The following COL6A1 variants were observed in gnomAD, a reference collection of about 807,000 sequenced individuals.
The protein encoded by COL6A1 is collagen alpha-1(VI) chain.
A neutral mutation model predicts 145.6 loss-of-function variants in COL6A1; 80 were observed. The ratio of observed to expected loss-of-function variants is 0.55; its 90% CI spans 0.46 to 0.66. COL6A1 has a LOEUF of 0.66. COL6A1 is among the 30% of genes least tolerant of loss of function. The probability of loss-of-function intolerance (pLI) is 0.00; values close to 1 mark genes in which losing one functional copy is unlikely to be tolerated. For missense variants in COL6A1, 1,364 were observed against 1,473.8 expected (o/e 0.93, Z 1.22); for synonymous variants, 638 against 622.8 (o/e 1.02, Z -0.36).
rs554387250 is a variant in COL6A1 at position 45,981,787 on chromosome 21, T to G, written c.-64T>G. On this transcript the variant is annotated 5_prime_UTR_variant, in exon 1 of 35. Transcript: ENST00000361866. ...CTGGGAGCAGAAGGCAGCCTCGGTC[T>G]CTGGGCGGCGGCGGCGGCCCACTCT... The G allele has an allele frequency of 1.0e-5, 13 of 1,298,972 alleles. No homozygotes were observed. In the South Asian group the frequency reaches 1.7e-4, roughly 17 times the overall value. 80.5% of individuals were successfully genotyped at this position (1,298,972 alleles called of 1,614,324 possible).
intron 2 of COL6A1, 143 bp from the exon 3 acceptor site, chr21:45,984,126 A>G: frequency 2.3e-6 from 2 of 863,738 alleles, no homozygotes; most frequent in South Asian, 2.9e-5. Context: ...GGCCGGCCTC[A>G]GGGCCACAGG....
intron 21 of COL6A1, 102 bp downstream of exon 21, chr21:45,997,585 T>C: frequency 1.3e-6 from 2 of 1,530,112 alleles, no homozygotes; most frequent in South Asian, 2.3e-5. Flanking sequence ...GAGGACTCTA[T>C]GGCCCTGGGT....
rs1202683079 is a variant in COL6A1, at chr21:46,002,304, G to C, written c.2153G>C (p.Ser718Thr). 6.3e-7 allele frequency: 1 copy of C among 1,593,998 alleles called. No individual in the cohort carries two copies. The highest frequency in any genetic ancestry group is 1.3e-5 in the African/African-American group (1 of 74,674). ...ACGCGGGACCAGCTGCTGCCGCCCAGCCCGAACAACCGCATCGCCCTGGTC... is the reference window on the plus strand; with the variant it reads ...ACGCGGGACCAGCTGCTGCCGCCCACCCCGAACAACCGCATCGCCCTGGTC... ...QYTRDQLLPP[S>T]PNNRIALVIT... Residue 718 changes from serine to threonine, a missense_variant, in exon 32 of 35, where the codon AGC (serine) becomes ACC (threonine). Physicochemically the swap from Ser to Thr is moderately conservative, Grantham distance 58. Around this residue, in one of 3 missense-constraint regions of COL6A1, gnomAD observed 938 missense variants for 1,003.8 expected, o/e 0.93. Coordinates refer to ENST00000361866, the MANE Select transcript of COL6A1 (RefSeq NM_001848.3).
At chr21:45,983,855 G>T (rs1287766065) in intron 2 of COL6A1, among the ~76,000 whole-genome samples, 1 of 144,092 alleles carries the variant, frequency 6.9e-6, no homozygotes, top group African/African-American at 2.5e-5. Context: ...GGATGGGAGG[G>T]TGGGTGGGGC....
chr21:45,989,683 C>A (rs200848483), intron 10 of COL6A1, 31 bp downstream of exon 10: 21 of 1,613,020 alleles, frequency 1.3e-5, no homozygotes, highest in African/African-American at 4.0e-5. Context: ...GGCCCGAGCC[C>A]GGTGGTGCCC....
At chr21:45,999,058 C>T (rs879415912) in intron 25 of COL6A1, 95 bp from the exon 26 acceptor site, 35 of 1,543,028 alleles carry the variant, frequency 2.3e-5, no homozygotes, top group Non-Finnish European at 2.8e-5. Flanking sequence ...GGGGAGGCCT[C>T]ATGGGCCCCG....
At chr21:45,982,596 C>G in intron 1 of COL6A1, 38 bp from the exon 2 acceptor site, 1 of 1,611,924 alleles carries the variant, frequency 6.2e-7, no homozygotes, top group Non-Finnish European at 8.5e-7. Context: ...GGGAATGGGG[C>G]GAGAGCTTGA....
Position 45,998,199 on chromosome 21 carries a change from G to C in COL6A1, c.1575+28G>C, listed in dbSNP as rs774213777. On this transcript the variant is annotated intron_variant, in intron 23 of 34. Coordinates refer to ENST00000361866, the MANE Select transcript of COL6A1 (RefSeq NM_001848.3). Reference sequence around the variant, plus strand: ...AAGTGTCCGGAGGCTGAGCCCACAGGAACATGCCCAAGCTGCCTGCGGCGC... The same window carrying C: ...AAGTGTCCGGAGGCTGAGCCCACAGCAACATGCCCAAGCTGCCTGCGGCGC... The C allele has an allele frequency of 2.5e-6, 4 of 1,609,918 alleles. No individual in the cohort carries two copies. In the African/African-American group the frequency reaches 5.3e-5, roughly 22 times the overall value.
chr21:45,990,851 C>T (rs759786901), intron 14 of COL6A1, 25 bp downstream of exon 14: 17 of 1,612,944 alleles, frequency 1.1e-5, no homozygotes, highest in Admixed American at 5.0e-5. Flanking sequence ...CTCACTGATA[C>T]TTTAAAACTA....
At chr21:45,985,616 C>T (rs1364642664) in intron 3 of COL6A1, among the ~76,000 whole-genome samples, 1 of 152,214 alleles carries the variant, frequency 6.6e-6, no homozygotes, top group African/African-American at 2.4e-5. Flanking sequence ...GGCCGCAAGC[C>T]CCGGAGTGTC....
At position 46,003,657 on chromosome 21, in the gene COL6A1, A is replaced by G. The variant is rs1411935312; in HGVS notation, c.2731A>G (p.Asn911Asp). 8 of 1,612,904 alleles carry G rather than the reference A, an allele frequency of 5.0e-6. No individual in the cohort carries two copies. In the East Asian group the frequency reaches 1.8e-4, roughly 36 times the overall value. ...TGCCGTCGATGCCATGGACTTTATC[A>G]ACGACGCCACCGACGTCAACGATGC... ...ASAVDAMDFI[N>D]DATDVNDALG... The change falls in exon 35 of 35, where the codon AAC becomes GAC. Residue 911 changes from asparagine to aspartate, a missense_variant. Physicochemically the swap from Asn to Asp is conservative, Grantham distance 23. Transcript: ENST00000361866.
In COL6A1 at chr21:45,994,379, C is replaced by T. The variant is rs564762675; in HGVS notation, c.1398+150C>T. 1.6e-4 allele frequency: 132 copies of T among 836,886 alleles called. 2 individuals are homozygous for T. Among genetic ancestry groups the T allele is most frequent in the South Asian group, 1.3e-3 (83 of 62,966 alleles). 51.8% of individuals were successfully genotyped at this position (836,886 alleles called of 1,614,324 possible). Reference sequence around the variant, plus strand: ...CTCGGGGGTGTCCCTGCGTGGGAGCCGGCTGCAGGGGGTGAGGCGCGGCCT... The same window carrying T: ...CTCGGGGGTGTCCCTGCGTGGGAGCTGGCTGCAGGGGGTGAGGCGCGGCCT... On this transcript the variant is annotated intron_variant, in intron 20 of 34. Transcript: ENST00000361866. This position sits in a 1 kb window ranked among gnomAD's most constrained non-coding sequence, Gnocchi z 6.8.
chr21:45,985,435 A>T (rs2077734056), intron 3 of COL6A1, among the ~76,000 whole-genome samples: 1 of 152,242 alleles, frequency 6.6e-6, no homozygotes, highest in African/African-American at 2.4e-5. Context: ...AAACAGAGGC[A>T]GAGAGACTGA....
rs942171686 is a variant in COL6A1, at chr21:45,982,041, G to T, written c.97+94G>T. 2.6e-4 allele frequency: 263 copies of T among 1,016,168 alleles called. 2 individuals are homozygous for T. Among genetic ancestry groups the T allele is most frequent in the Non-Finnish European group, 3.5e-4 (233 of 664,736 alleles). 62.9% of individuals were successfully genotyped at this position (1,016,168 alleles called of 1,614,324 possible). A position where few individuals can be genotyped will look rare whatever the true frequency, so the allele number is the denominator to read the frequency against. On this transcript the variant is annotated intron_variant, in intron 1 of 34. Transcript: ENST00000361866. Reference sequence around the variant, plus strand: ...GGGGTCCCCTCCCACGCGTGGAACTGCAGACTGGGGGCCTGGAGCCCCTGA... The same window carrying T: ...GGGGTCCCCTCCCACGCGTGGAACTTCAGACTGGGGGCCTGGAGCCCCTGA...
intron 22 of COL6A1, 42 bp downstream of exon 22, chr21:45,997,804 C>T (rs775266330): frequency 7.1e-6 from 11 of 1,548,976 alleles, no homozygotes; most frequent in African/African-American, 4.1e-5. Context: ...GAGGCCTGGC[C>T]GCCAGAGGCC....
rs2077709127 is a variant in COL6A1, at chr21:45,981,898, G to C, written c.48G>C (p.Trp16Cys). The change falls in exon 1 of 35, where the codon TGG becomes TGC. Residue 16 changes from tryptophan (W) to cysteine (C), a missense_variant. This residue lies in a region of COL6A1 where 414 missense variants were observed against 437.6 expected (regional missense o/e 0.95). Transcript: ENST00000361866. ...ALLPLLLQAC[W>C]TAAQDEPETP... ...TGCCCCTGCTGCTGCAGGCCTGCTG[G>C]ACAGCCGCGCAGGATGAGCCGGAGA... The C allele has an allele frequency of 5.0e-6, 8 of 1,606,116 alleles. No homozygotes were observed. In the Admixed American group the frequency reaches 1.2e-4, roughly 24 times the overall value.
At chr21:45,987,332 C>G (rs2077745239) in intron 6 of COL6A1, 157 bp downstream of exon 6, 1 of 1,459,488 alleles carries the variant, frequency 6.9e-7, no homozygotes. Context: ...ATGTGTGTCC[C>G]CCTGCGTGTC....
rs1056724366 is a variant in COL6A1 at position 45,999,395 on chromosome 21, G to A, written c.1740+177G>A. 9 of 772,476 alleles carry A rather than the reference G, an allele frequency of 1.2e-5. No individual in the cohort carries two copies. In the African/African-American group the frequency reaches 1.2e-4, roughly 10 times the overall value. The allele number at this position is 772,476 out of a possible 1,614,324, so 47.9% of individuals were successfully genotyped here. On this transcript the variant is annotated intron_variant, in intron 26 of 34. Transcript: ENST00000361866. ...GTGCCGGTCACCAGGGCCAGGTGGT[G>A]GCCAGGGCAGCAGAGCCGAGCCCAG...
At chr21:45,993,260 T>A (rs985424927) in intron 19 of COL6A1, among the ~76,000 whole-genome samples, 2 of 152,030 alleles carry the variant, frequency 1.3e-5, no homozygotes, top group Non-Finnish European at 2.9e-5. Context: ...CACCTTCAGC[T>A]CCGTGGACCG....
Sources: gnomAD v4.1 joint callset for allele counts (sites outside exome capture counted in the v4.1 genomes callset) on GRCh38, gnomAD v4.1.1 for gene constraint, gnomAD v4.1.1 regional missense constraint, Gnocchi (gnomAD v3.1) non-coding constraint, MANE v1.5 for transcripts, NCBI Gene and HGNC (gene_info 2026-07-23, HGNC 2026-07-21) for gene names.